The following FABP7 variants were observed in gnomAD, a reference collection of about 807,000 sequenced individuals.
The protein encoded by FABP7 is fatty acid binding protein 7.
A neutral mutation model predicts 14.2 loss-of-function variants in FABP7; 13 were observed. That is an observed-to-expected ratio of 0.91 (90% CI 0.59 to 1.45). The LOEUF (loss-of-function observed/expected upper bound fraction) is 1.45. Ranked by LOEUF, FABP7 falls within the 40% of genes most tolerant of loss-of-function variation. FABP7 has a pLI of 0.00. For synonymous variants in FABP7, 49 were observed against 51.4 expected, an observed-to-expected ratio of 0.95 and a Z score of 0.20; for missense variants, 149 against 157.6, an observed-to-expected ratio of 0.95 and a Z score of 0.29.
intron 3 of FABP7, 74 bp from the exon 4 acceptor site, chr6:122,783,643 T>C (rs375107825): frequency 3.2e-5 from 50 of 1,544,330 alleles, no homozygotes; most frequent in Non-Finnish European, 4.2e-5. Flanking sequence ...TTAGATCACA[T>C]ATATGATGAT....
At chr6:122,757,345 A>G in the FABP7 span, among the ~76,000 whole-genome samples, 92 of 152,078 alleles carry the variant, frequency 6.0e-4, no homozygotes, top group African/African-American at 2.2e-3. Flanking sequence ...TATATGTGGG[A>G]CAGCATCAGA....
the FABP7 span, among the ~76,000 whole-genome samples, chr6:122,773,542 C>T: frequency 2.0e-5 from 3 of 152,084 alleles, no homozygotes; most frequent in Non-Finnish European, 1.5e-5. Context: ...AGACTGTGGG[C>T]CAATGGTGCT....
At chr6:122,749,379 TG>T in the FABP7 span, among the ~76,000 whole-genome samples, 2 of 152,352 alleles carry the variant, frequency 1.3e-5, no homozygotes, top group East Asian at 3.9e-4. Context: ...TTTATGATGC[TG>T]CCTACATTTA....
At chr6:122,769,492 T>C in the FABP7 span, among the ~76,000 whole-genome samples, 1 of 152,172 alleles carries the variant, frequency 6.6e-6, no homozygotes, top group African/African-American at 2.4e-5. Context: ...TCATTTTACT[T>C]GCCTTCAATG....
At chr6:122,777,063 G>A (rs1780688219), upstream of FABP7, among the ~76,000 whole-genome samples, 1 of 152,132 alleles carries the variant, frequency 6.6e-6, no homozygotes, top group African/African-American at 2.4e-5. Context: ...AAATGGGTAT[G>A]CACAAATATT....
the FABP7 span, among the ~76,000 whole-genome samples, chr6:122,760,878 TA>T: frequency 1.3e-5 from 2 of 152,136 alleles, no homozygotes; most frequent in Non-Finnish European, 2.9e-5. Flanking sequence ...ATATCACTAT[TA>T]TAACTTAAAT....
upstream of FABP7, among the ~76,000 whole-genome samples, chr6:122,774,768 T>G (rs1780643651): frequency 6.8e-6 from 1 of 146,072 alleles, no homozygotes; most frequent in African/African-American, 2.6e-5. Flanking sequence ...CTAAAGACTC[T>G]TCCAAAAAAA....
chr6:122,760,174 A>G, the FABP7 span, among the ~76,000 whole-genome samples: 3 of 152,208 alleles, frequency 2.0e-5, no homozygotes, highest in Admixed American at 6.5e-5. Context: ...GTTTTGACCA[A>G]GGTACACACC....
intron 3 of FABP7, 59 bp from the exon 4 acceptor site, chr6:122,783,658 A>T: frequency 6.5e-7 from 1 of 1,549,254 alleles, no homozygotes; most frequent in Non-Finnish European, 8.6e-7. Context: ...GATGATCTTT[A>T]AAATTCGGTG....
At chr6:122,783,180 A>G (rs898535444) in intron 3 of FABP7, 1 of 985,464 alleles carries the variant, frequency 1.0e-6, no homozygotes, top group African/African-American at 1.7e-5. Flanking sequence ...TCCGCATCCT[A>G]TCCACCTACC....
At chr6:122,769,483 C>G in the FABP7 span, among the ~76,000 whole-genome samples, 1 of 152,080 alleles carries the variant, frequency 6.6e-6, no homozygotes, top group Non-Finnish European at 1.5e-5. Flanking sequence ...TACGTAGCAT[C>G]ATTTTACTTG....
chr6:122,761,194 A>G, the FABP7 span, among the ~76,000 whole-genome samples: 3 of 152,174 alleles, frequency 2.0e-5, no homozygotes, highest in South Asian at 6.2e-4. Flanking sequence ...TTTTCCTGCA[A>G]GGTGACTGTT....
chr6:122,750,925 T>G, the FABP7 span, among the ~76,000 whole-genome samples: 1,179 of 152,320 alleles, frequency 7.7e-3, 16 homozygotes, highest in South Asian at 0.064. Flanking sequence ...CTCTGACTTT[T>G]TCTGTGTTTT....
chr6:122,783,781 C>CG lies in FABP7; in HGVS notation c.*18dup, dbSNP rs1198457855. 1 of 1,604,976 alleles carries CG rather than the reference C, an allele frequency of 6.2e-7. No individual in the cohort carries two copies. The highest frequency in any genetic ancestry group is 8.5e-7 in the Non-Finnish European group (1 of 1,175,340). On this transcript the variant is annotated 3_prime_UTR_variant, in exon 4 of 4. Transcript: ENST00000368444. ...GAGAAGGCATAAAAATGTTCCTGGT[C>CG]GGGGCTTGGAAGAGCTCTTCAGTTT... is the stretch of plus-strand genomic sequence containing the variant.
chr6:122,781,739 C>CA, intron 3 of FABP7: 1 of 728,660 alleles, frequency 1.4e-6, no homozygotes, highest in Non-Finnish European at 1.6e-6. Context: ...CAGTGATAAC[C>CA]CTTTTTTTTT....
At chr6:122,775,418 G>A (rs955299108), upstream of FABP7, among the ~76,000 whole-genome samples, 5 of 151,902 alleles carry the variant, frequency 3.3e-5, no homozygotes, top group African/African-American at 9.7e-5. Context: ...TGGAAAGGAC[G>A]GTCACTTCAA....
intron 3 of FABP7, 46 bp downstream of exon 3, chr6:122,781,240 C>T: frequency 6.3e-7 from 1 of 1,598,936 alleles, no homozygotes; most frequent in South Asian, 1.1e-5. Flanking sequence ...TTTCTCCTCT[C>T]CGCACACCTC....
Position 122,783,984 on chromosome 6 carries a change from C to A in FABP7, c.*217C>A, listed in dbSNP as rs1780858777. ...TATAATTTGAATTAAAGTTTTGTCC[C>A]CCCCCCCCTTTTTTTTATAAACAAG... is the stretch of plus-strand genomic sequence containing the variant. On this transcript the variant is annotated 3_prime_UTR_variant, in exon 4 of 4. Coordinates refer to ENST00000368444, the MANE Select transcript of FABP7 (RefSeq NM_001446.5). 3 of 355,874 alleles carry A rather than the reference C, an allele frequency of 8.4e-6. No homozygotes were observed. Among genetic ancestry groups the A allele is most frequent in the Non-Finnish European group, 1.4e-5 (3 of 207,410 alleles). The allele number at this position is 355,874 out of a possible 1,614,324, so 22.0% of individuals were successfully genotyped here.
rs1422781707 is a variant in FABP7, at chr6:122,783,123, A to T, written c.349-594A>T. 4 of 985,350 alleles carry T rather than the reference A, an allele frequency of 4.1e-6. No individual in the cohort carries two copies. In the African/African-American group the frequency reaches 5.2e-5, roughly 13 times the overall value. 61.0% of individuals were successfully genotyped at this position (985,350 alleles called of 1,614,324 possible). On this transcript the variant is annotated intron_variant, in intron 3 of 3. Transcript: ENST00000368444. ...CCTAAGTTCTGTAAAGTGGTTTTATAATAACTCTTCAAGTTAGATTTGACA... is the reference window on the plus strand; with the variant it reads ...CCTAAGTTCTGTAAAGTGGTTTTATTATAACTCTTCAAGTTAGATTTGACA...
Sources: allele counts gnomAD v4.1 joint callset (sites outside exome capture counted in the v4.1 genomes callset), GRCh38; gene constraint gnomAD v4.1.1; transcripts MANE v1.5; gene names NCBI Gene and HGNC (gene_info 2026-07-23, HGNC 2026-07-21).